Variants in SLC24A3 observed in about 807,000 individuals in gnomAD.
SLC24A3 encodes the protein sodium/potassium/calcium exchanger 3.
In SLC24A3, 28 loss-of-function variants were observed where a neutral mutation model predicts 75.8. That is an observed-to-expected ratio of 0.37 (90% CI 0.27 to 0.51). The LOEUF is 0.51. Ranked by LOEUF, SLC24A3 falls within the 20% of genes least tolerant of loss-of-function variation. The pLI is 0.94. For missense variants in SLC24A3, 663 were observed against 847.8 expected (o/e 0.78, Z 2.71); for synonymous variants, 372 against 334.1 (o/e 1.11, Z -1.24).
intron 2 of SLC24A3, among the ~76,000 whole-genome samples, chr20:19,449,969 T>G (rs537989653): frequency 6.6e-6 from 1 of 152,342 alleles, no homozygotes; most frequent in Admixed American, 6.5e-5. Flanking sequence ...TTCAGTATTC[T>G]CATTTTTTTC....
chr20:19,705,653 G>A (rs1371971178), intron 15 of SLC24A3, among the ~76,000 whole-genome samples: 1 of 152,070 alleles, frequency 6.6e-6, no homozygotes, highest in African/African-American at 2.4e-5. Flanking sequence ...CAGCTACTGT[G>A]GGTTTAATGG....
At chr20:19,488,930 G>A (rs1341052285) in intron 2 of SLC24A3, among the ~76,000 whole-genome samples, 1 of 152,200 alleles carries the variant, frequency 6.6e-6, no homozygotes, top group Non-Finnish European at 1.5e-5. Flanking sequence ...CTGATCCAAA[G>A]TCAGATTTTG....
intron 2 of SLC24A3, among the ~76,000 whole-genome samples, chr20:19,292,879 T>C (rs1257404316): frequency 6.6e-6 from 1 of 152,238 alleles, no homozygotes; most frequent in Admixed American, 6.5e-5. Context: ...TCCTGGTTCA[T>C]GGTTAGCGCC....
intron 2 of SLC24A3, among the ~76,000 whole-genome samples, chr20:19,507,454 C>T (rs6106093): frequency 0.018 from 2,778 of 152,294 alleles, 72 homozygotes; most frequent in African/African-American, 0.063. Flanking sequence ...TCATGCTACA[C>T]GTACAAAATG....
intron 12 of SLC24A3, among the ~76,000 whole-genome samples, chr20:19,691,756 C>T (rs1209445436): frequency 1.3e-5 from 2 of 152,178 alleles, no homozygotes; most frequent in Non-Finnish European, 2.9e-5. Context: ...TTGACAGGAA[C>T]GACTTGTGAG....
intron 2 of SLC24A3, among the ~76,000 whole-genome samples, chr20:19,371,468 A>G (rs1161827126): frequency 1.3e-5 from 2 of 152,148 alleles, no homozygotes; most frequent in Non-Finnish European, 2.9e-5. Flanking sequence ...CAAGACCCCA[A>G]GCCTGGCCTT....
chr20:19,583,888 C>T (rs1247797998), intron 4 of SLC24A3, among the ~76,000 whole-genome samples: 5 of 152,192 alleles, frequency 3.3e-5, no homozygotes, highest in East Asian at 1.9e-4. Flanking sequence ...GACAGCGAAG[C>T]GACCCAGGAT....
chr20:19,325,757 C>CAT lies in SLC24A3; in HGVS notation c.271+44672_271+44673dup, dbSNP rs1568589763. Reference sequence around the variant, plus strand: ...ATGTGTGTGTGTGTGTGTGTGTATACATACATACATATATATATACATATA... The same window carrying CAT: ...ATGTGTGTGTGTGTGTGTGTGTATACATATACATACATATATATATACATATA... On this transcript the variant is annotated intron_variant, in intron 2 of 16. Transcript: ENST00000328041. 4.0e-3 allele frequency among the ~76,000 whole-genome samples: 160 copies of CAT among 39,518 alleles called. 10 individuals are homozygous for CAT. The highest frequency in any genetic ancestry group is 7.7e-3 in the South Asian group (10 of 1,296). 25.9% of individuals were successfully genotyped at this position (39,518 alleles called of 152,430 possible). A position where few individuals can be genotyped will look rare whatever the true frequency, so the allele number is the denominator to read the frequency against.
chr20:19,700,987 A>G (rs1038140468), intron 15 of SLC24A3, among the ~76,000 whole-genome samples: 9 of 152,242 alleles, frequency 5.9e-5, no homozygotes, highest in African/African-American at 2.2e-4. Context: ...GAAAAGTTAT[A>G]TAAAAGATTG....
rs1204092994 is a variant in SLC24A3 at position 19,681,904 on chromosome 20, G to T, written c.814G>T (p.Ala272Ser). The change falls in exon 10 of 17, where the codon GCC becomes TCC. Residue 272 changes from alanine (A) to serine (S), a missense_variant. By Grantham distance (99) the Ala-to-Ser change is moderately conservative (BLOSUM62 1). Around this residue, in one of 2 missense-constraint regions of SLC24A3, gnomAD observed 510 missense variants for 703.6 expected, o/e 0.72. Coordinates refer to ENST00000328041, the MANE Select transcript of SLC24A3 (RefSeq NM_020689.4). ...HQCFERRTKG[A>S]GNMVNGLANN... The stretch of plus-strand genomic sequence containing the variant: ...GTGCTTTGAGAGGAGGACAAAAGGT[G>T]CCGGGAACATGGTCAACGGATTGGC... 7 of 1,614,156 alleles carry T rather than the reference G, an allele frequency of 4.3e-6. No homozygotes were observed. In the East Asian group the frequency reaches 1.6e-4, roughly 36 times the overall value.
intron 1 of SLC24A3, among the ~76,000 whole-genome samples, chr20:19,220,712 C>T (rs1981685190): frequency 6.6e-6 from 1 of 152,212 alleles, no homozygotes; most frequent in Non-Finnish European, 1.5e-5. Flanking sequence ...CCGTGCTTCT[C>T]AGTCTTGTCT....
chr20:19,370,587 GT>G (rs1403735263), intron 2 of SLC24A3, among the ~76,000 whole-genome samples: 1 of 152,246 alleles, frequency 6.6e-6, no homozygotes, highest in Non-Finnish European at 1.5e-5. Context: ...TCCCTGCCTT[GT>G]TTTGAAAAGG....
At chr20:19,264,857 A>C (rs770246455) in intron 1 of SLC24A3, among the ~76,000 whole-genome samples, 32 of 152,158 alleles carry the variant, frequency 2.1e-4, no homozygotes, top group Non-Finnish European at 2.9e-5. Flanking sequence ...AATTCTGGGA[A>C]GCATTCTCAA....
intron 8 of SLC24A3, among the ~76,000 whole-genome samples, chr20:19,671,773 G>A (rs1416978636): frequency 2.0e-5 from 3 of 152,130 alleles, no homozygotes; most frequent in Admixed American, 1.3e-4. Context: ...CTGGAGAGAG[G>A]TGTGGTGTGG....
chr20:19,471,791 C>CT (rs1374786709), intron 2 of SLC24A3, among the ~76,000 whole-genome samples: 1 of 152,084 alleles, frequency 6.6e-6, no homozygotes, highest in East Asian at 1.9e-4. Context: ...TAATTAGTTG[C>CT]TTTTTTAATT....
chr20:19,281,238 T>C (rs1983655369), intron 2 of SLC24A3, 151 bp downstream of exon 2: 5 of 1,144,094 alleles, frequency 4.4e-6, no homozygotes, highest in Admixed American at 5.4e-5. Context: ...TCAGGTGACA[T>C]CCTGAGGGAC....
intron 8 of SLC24A3, among the ~76,000 whole-genome samples, chr20:19,669,730 A>G (rs2032444143): frequency 1.3e-5 from 2 of 149,930 alleles, no homozygotes; most frequent in African/African-American, 2.5e-5. Context: ...CAACCTGGAA[A>G]CTCTTCTTGG....
chr20:19,226,191 C>A (rs1444527271), intron 1 of SLC24A3, among the ~76,000 whole-genome samples: 1 of 152,044 alleles, frequency 6.6e-6, no homozygotes, highest in African/African-American at 2.4e-5. Context: ...GGTTTTAATT[C>A]TTTAGACAGT....
intron 2 of SLC24A3, among the ~76,000 whole-genome samples, chr20:19,452,660 A>T (rs1383041099): frequency 1.3e-5 from 2 of 151,828 alleles, no homozygotes; most frequent in East Asian, 3.9e-4. Flanking sequence ...CAGAGAGGTA[A>T]TTGTGCTATA....
Sources: gnomAD v4.1 joint callset for allele counts (sites outside exome capture counted in the v4.1 genomes callset) on GRCh38, gnomAD v4.1.1 for gene constraint, gnomAD v4.1.1 regional missense constraint, MANE v1.5 for transcripts, NCBI Gene and HGNC (gene_info 2026-07-23, HGNC 2026-07-21) for gene names.